ABI3BP: variants seen among roughly 807,000 people sequenced by gnomAD.
ABI3BP encodes ABI family member 3 binding protein, also known as target of Nesh-SH3.
Under a neutral mutation model 268.6 loss-of-function variants are expected in ABI3BP, and 216 were observed. That is an observed-to-expected ratio of 0.80 (90% CI 0.72 to 0.90). The LOEUF (loss-of-function observed/expected upper bound fraction) is 0.90. ABI3BP is among the 40% of genes least tolerant of loss of function. The pLI is 0.00. For missense variants in ABI3BP, 2,090 were observed against 2,182.4 expected, an observed-to-expected ratio of 0.96 and a Z score of 0.84; for synonymous variants, 730 against 730.0, an observed-to-expected ratio of 1.00 and a Z score of 0.00.
chr3:100,932,555 C>T (rs1260241237), intron 1 of ABI3BP, among the ~76,000 whole-genome samples: 4 of 152,100 alleles, frequency 2.6e-5, no homozygotes, highest in African/African-American at 9.7e-5. Flanking sequence ...ACAGACACTT[C>T]TCAAAAGAAG....
At chr3:100,752,747 T>G (rs1559784824) in intron 66 of ABI3BP, 40 bp downstream of exon 66, 1 of 1,597,468 alleles carries the variant, frequency 6.3e-7, no homozygotes. Flanking sequence ...AACATTCCCA[T>G]AAGTTAAGGG....
At chr3:100,897,849 A>C (rs1192811034) in intron 4 of ABI3BP, among the ~76,000 whole-genome samples, 1 of 152,238 alleles carries the variant, frequency 6.6e-6, no homozygotes, top group African/African-American at 2.4e-5. Context: ...CTTTGAATGT[A>C]TTTAAAATAG....
intron 2 of ABI3BP, chr3:100,911,620 TAA>T: frequency 1.4e-6 from 1 of 696,504 alleles, no homozygotes; most frequent in Non-Finnish European, 2.6e-6. Context: ...ACTGCTTGGC[TAA>T]AACCAGTGGA....
intron 40 of ABI3BP, among the ~76,000 whole-genome samples, chr3:100,819,453 G>A (rs901147545): frequency 2.6e-5 from 4 of 152,052 alleles, no homozygotes; most frequent in African/African-American, 7.2e-5. Context: ...ATCTTTGAAT[G>A]TTTCATACTG....
intron 41 of ABI3BP, 92 bp from the exon 42 acceptor site, chr3:100,817,587 C>G: frequency 9.7e-7 from 1 of 1,032,008 alleles, no homozygotes; most frequent in Non-Finnish European, 1.3e-6. Flanking sequence ...AAAAGTAAGG[C>G]TTGTTTTTTG....
intron 61 of ABI3BP, among the ~76,000 whole-genome samples, chr3:100,772,700 G>C (rs879344660): frequency 1.3e-5 from 2 of 152,064 alleles, no homozygotes; most frequent in Non-Finnish European, 2.9e-5. Flanking sequence ...AGAATAGATG[G>C]GAAAAATAGA....
chr3:100,884,720 A>C (rs1251203787), intron 6 of ABI3BP, among the ~76,000 whole-genome samples: 1 of 104,218 alleles, frequency 9.6e-6, no homozygotes, highest in African/African-American at 3.1e-5. Flanking sequence ...TGACTGTAGG[A>C]TACTTCCAAT....
At chr3:100,987,898 TAGAC>T (rs1320993228) in intron 1 of ABI3BP, among the ~76,000 whole-genome samples, 2 of 152,238 alleles carry the variant, frequency 1.3e-5, no homozygotes, top group Non-Finnish European at 2.9e-5. Flanking sequence ...TAATAATTGA[TAGAC>T]AAACACATCA....
Position 100,986,766 on chromosome 3 carries a change from T to C in ABI3BP, c.79+6540A>G, listed in dbSNP as rs78674363. On this transcript the variant is annotated intron_variant, in intron 1 of 67. Coordinates refer to ENST00000471714, the MANE Select transcript of ABI3BP (RefSeq NM_001375547.2). ...ACACTAATATACTCTTTAAACTTAATTTCTTATCTGTGAAATGGAGCTAAT... is the reference window on the plus strand; with the variant it reads ...ACACTAATATACTCTTTAAACTTAACTTCTTATCTGTGAAATGGAGCTAAT... Among the ~76,000 whole-genome samples the C allele has an allele frequency of 9.0e-3, 1,376 of 152,282 alleles. 21 individuals are homozygous for C. The highest frequency in any genetic ancestry group is 0.031 in the African/African-American group (1,271 of 41,544).
At chr3:100,769,934 G>A (rs1273843783) in intron 62 of ABI3BP, among the ~76,000 whole-genome samples, 1 of 152,192 alleles carries the variant, frequency 6.6e-6, no homozygotes, top group Admixed American at 6.5e-5. Context: ...TGTTTTCCAT[G>A]TGCAGTAGGA....
At chr3:100,768,912 T>C (rs1352175359) in intron 62 of ABI3BP, among the ~76,000 whole-genome samples, 1 of 152,228 alleles carries the variant, frequency 6.6e-6, no homozygotes, top group Non-Finnish European at 1.5e-5. Context: ...TACTTCAGTA[T>C]AGAAAGGACA....
At chr3:100,871,357 G>T (rs2099107376) in intron 9 of ABI3BP, among the ~76,000 whole-genome samples, 1 of 152,106 alleles carries the variant, frequency 6.6e-6, no homozygotes, top group Admixed American at 6.5e-5. Flanking sequence ...TACTAAGTTG[G>T]TACATTTGTT....
At chr3:100,932,918 A>G (rs1242466979) in intron 1 of ABI3BP, among the ~76,000 whole-genome samples, 1 of 151,570 alleles carries the variant, frequency 6.6e-6, no homozygotes, top group Non-Finnish European at 1.5e-5. Flanking sequence ...ACTCAGTGAG[A>G]CAAGCTAAAC....
chr3:100,922,523 C>T (rs1370509772), intron 2 of ABI3BP, among the ~76,000 whole-genome samples: 9 of 148,710 alleles, frequency 6.1e-5, no homozygotes, highest in Non-Finnish European at 7.4e-5. Context: ...TGATGTGATG[C>T]GATGGTGATG....
chr3:100,783,176 T>C (rs2096920172), intron 57 of ABI3BP, among the ~76,000 whole-genome samples: 1 of 152,166 alleles, frequency 6.6e-6, no homozygotes, highest in Non-Finnish European at 1.5e-5. Context: ...GGATGATTGG[T>C]TTCTGCACTC....
intron 9 of ABI3BP, among the ~76,000 whole-genome samples, chr3:100,870,595 T>C (rs1343066521): frequency 2.0e-5 from 3 of 152,110 alleles, no homozygotes; most frequent in African/African-American, 7.2e-5. Flanking sequence ...ATTGTTGAGG[T>C]GGAAATGTAA....
chr3:100,867,298 C>T (rs1396088056), intron 9 of ABI3BP, among the ~76,000 whole-genome samples: 1 of 152,028 alleles, frequency 6.6e-6, no homozygotes, highest in Non-Finnish European at 1.5e-5. Context: ...ATTGCAAATG[C>T]TTCCTGGAAT....
In ABI3BP at chr3:100,808,778, T is replaced by G. The variant is rs147723899; in HGVS notation, c.3608-543A>C. On this transcript the variant is annotated intron_variant, in intron 49 of 67. Coordinates refer to ENST00000471714, the MANE Select transcript of ABI3BP (RefSeq NM_001375547.2). ...ACCAAGGATATTTTCTATGGAGAGT[T>G]ATTCCTTTGCTGAGCAAATCCGAAA... Among the ~76,000 whole-genome samples, 384 of 152,182 alleles carry G rather than the reference T, an allele frequency of 2.5e-3. 5 individuals carry two copies. Among genetic ancestry groups the G allele is most frequent in the African/African-American group, 8.4e-3 (351 of 41,540 alleles).
intron 51 of ABI3BP, 57 bp from the exon 52 acceptor site, chr3:100,796,525 C>A: frequency 7.7e-7 from 1 of 1,305,920 alleles, no homozygotes; most frequent in South Asian, 1.5e-5. Flanking sequence ...CTGGAGTGAG[C>A]TTAACCCACA....
Sources: allele counts gnomAD v4.1 joint callset (sites outside exome capture counted in the v4.1 genomes callset), GRCh38; gene constraint gnomAD v4.1.1; transcripts MANE v1.5; gene names NCBI Gene and HGNC (gene_info 2026-07-23, HGNC 2026-07-21).